The following SBF2 variants were observed in gnomAD, a reference collection of about 807,000 sequenced individuals.
The protein encoded by SBF2 is SET binding factor 2, also known as myotubularin-related protein 13.
SBF2 carries 112 observed loss-of-function variants against 225.2 expected under a neutral mutation model. That is an observed-to-expected ratio of 0.50 (90% confidence interval 0.43 to 0.58). The LOEUF is 0.58. SBF2 is among the 20% of genes least tolerant of loss of function. The pLI is 0.00. For synonymous variants in SBF2, 763 were observed against 773.3 expected (o/e 0.99, Z 0.22); for missense variants, 1,996 against 2,206.2 (o/e 0.90, Z 1.91).
intron 16 of SBF2, among the ~76,000 whole-genome samples, chr11:9,924,964 GT>G (rs1421877199): frequency 6.6e-6 from 1 of 151,902 alleles, no homozygotes; most frequent in African/African-American, 2.4e-5. Context: ...GCCCAGGCTG[GT>G]CTTGAACTCC....
At chr11:9,812,873 G>C (rs569971323) in intron 29 of SBF2, 165 bp from the exon 30 acceptor site, 1 of 704,482 alleles carries the variant, frequency 1.4e-6, no homozygotes, top group African/African-American at 1.7e-5. Flanking sequence ...TGTCAGTGTT[G>C]GTGGGAACAG....
intron 27 of SBF2, among the ~76,000 whole-genome samples, chr11:9,830,843 T>C (rs964339032): frequency 2.0e-5 from 3 of 149,802 alleles, no homozygotes; most frequent in African/African-American, 7.4e-5. Context: ...GAATATGAAA[T>C]ATAGTAAATT....
At chr11:9,829,302 A>G (rs1343700586) in intron 28 of SBF2, 54 bp downstream of exon 28, 6 of 1,573,166 alleles carry the variant, frequency 3.8e-6, no homozygotes, top group Non-Finnish European at 5.2e-6. Flanking sequence ...CCCTAGGAAC[A>G]GAACTGACCT....
At chr11:10,217,934 C>G (rs2135398667) in intron 1 of SBF2, among the ~76,000 whole-genome samples, 1 of 152,012 alleles carries the variant, frequency 6.6e-6, no homozygotes, top group South Asian at 2.1e-4. Flanking sequence ...GAGTCTCGCT[C>G]TGTCGCCCAG....
chr11:9,809,617 T>C (rs1209994935), intron 30 of SBF2, among the ~76,000 whole-genome samples: 4 of 151,074 alleles, frequency 2.6e-5, no homozygotes, highest in African/African-American at 9.8e-5. Context: ...CAATCCTGGC[T>C]AACCACAACC....
chr11:10,063,521 C>A (rs1461718934), intron 2 of SBF2, among the ~76,000 whole-genome samples: 1 of 151,268 alleles, frequency 6.6e-6, no homozygotes, highest in Admixed American at 6.6e-5. Flanking sequence ...CCACGCCCAG[C>A]TATTTCTTTG....
At chr11:10,208,688 G>C (rs981635680) in intron 1 of SBF2, among the ~76,000 whole-genome samples, 12 of 152,050 alleles carry the variant, frequency 7.9e-5, no homozygotes, top group African/African-American at 2.9e-4. Context: ...CTATACCACA[G>C]AATATTTAGC....
At chr11:9,826,729 ATATGTGTGTG>A (rs1395513573) in intron 28 of SBF2, among the ~76,000 whole-genome samples, 3 of 146,768 alleles carry the variant, frequency 2.0e-5, no homozygotes, top group African/African-American at 5.2e-5. Flanking sequence ...ATATATATAT[ATATGTGTGTG>A]TGTGTGTGTG....
chr11:10,180,902 C>T (rs981384388), intron 2 of SBF2, among the ~76,000 whole-genome samples: 2 of 152,046 alleles, frequency 1.3e-5, no homozygotes, highest in Non-Finnish European at 1.5e-5. Flanking sequence ...TAAAATCTAA[C>T]TTTTTCATTA....
chr11:10,204,872 ATATAGGGTTTCTTTGGGG>A (rs151019469), intron 1 of SBF2, among the ~76,000 whole-genome samples: 369 of 152,124 alleles, frequency 2.4e-3, no homozygotes, highest in African/African-American at 8.7e-3. Context: ...TTGCTAACGG[ATATAGGGTTTCTTTGGGG>A]TGATGAAACA....
intron 1 of SBF2, among the ~76,000 whole-genome samples, chr11:10,302,070 C>T (rs957359334): frequency 6.6e-6 from 1 of 152,136 alleles, no homozygotes; most frequent in Non-Finnish European, 1.5e-5. Context: ...ACTGTCCTTG[C>T]TCAACGTGAA....
chr11:10,172,414 G>T (rs537841843), intron 2 of SBF2, among the ~76,000 whole-genome samples: 1 of 151,888 alleles, frequency 6.6e-6, no homozygotes, highest in African/African-American at 2.4e-5. Context: ...GCACAATGGC[G>T]CATCTCAGCT....
chr11:10,215,093 G>A (rs1331107671), intron 1 of SBF2, among the ~76,000 whole-genome samples: 2 of 152,140 alleles, frequency 1.3e-5, no homozygotes, highest in African/African-American at 4.8e-5. Context: ...ACTGCTAAAT[G>A]ACAAGGCTGC....
intron 1 of SBF2, among the ~76,000 whole-genome samples, chr11:10,251,627 T>C (rs1388308081): frequency 6.6e-6 from 1 of 152,212 alleles, no homozygotes; most frequent in African/African-American, 2.4e-5. Context: ...ATGGGGACTC[T>C]GGATAAGGAG....
chr11:10,291,941 G>A (rs567808530), intron 1 of SBF2, among the ~76,000 whole-genome samples: 2 of 152,190 alleles, frequency 1.3e-5, no homozygotes, highest in Admixed American at 6.5e-5. Flanking sequence ...GTGCATATTC[G>A]TATGTATCTA....
chr11:9,991,867 T>C (rs556894305), intron 12 of SBF2, among the ~76,000 whole-genome samples: 1 of 152,160 alleles, frequency 6.6e-6, no homozygotes, highest in Non-Finnish European at 1.5e-5. Context: ...TATGGCTCTA[T>C]GATTTTGATA....
chr11:9,918,734 T>A (rs971087106), intron 16 of SBF2, among the ~76,000 whole-genome samples: 3 of 151,812 alleles, frequency 2.0e-5, no homozygotes, highest in African/African-American at 7.3e-5. Flanking sequence ...CTTTTCCTTG[T>A]GGATTTACGT....
chr11:9,973,364 C>A (rs1403036919), intron 13 of SBF2, among the ~76,000 whole-genome samples: 1 of 152,094 alleles, frequency 6.6e-6, no homozygotes, highest in Non-Finnish European at 1.5e-5. Flanking sequence ...AAAGCAGCAG[C>A]CAAATTTTCA....
chr11:9,843,303 T>C (rs1162639764), intron 24 of SBF2, among the ~76,000 whole-genome samples: 1 of 152,258 alleles, frequency 6.6e-6, no homozygotes, highest in Non-Finnish European at 1.5e-5. Flanking sequence ...GTCCTGACTC[T>C]AATTAGCTGT....
Sources: gnomAD v4.1 joint callset for allele counts (sites outside exome capture counted in the v4.1 genomes callset) on GRCh38, gnomAD v4.1.1 for gene constraint, MANE v1.5 for transcripts, NCBI Gene and HGNC (gene_info 2026-07-23, HGNC 2026-07-21) for gene names.